SRRM3: variants seen among roughly 807,000 people sequenced by gnomAD.
SRRM3 encodes the protein serine/arginine repetitive matrix protein 3.
In SRRM3, 27 loss-of-function variants were observed where a neutral mutation model predicts 66.2. The ratio of observed to expected loss-of-function variants is 0.41; its 90% CI spans 0.30 to 0.56. The LOEUF (loss-of-function observed/expected upper bound fraction) is 0.56. SRRM3 is among the 20% of genes least tolerant of loss of function. The probability of loss-of-function intolerance (pLI) is 0.32; values close to 1 mark genes in which losing one functional copy is unlikely to be tolerated. For synonymous variants in SRRM3, 391 were observed against 414.9 expected (o/e 0.94, Z 0.70); for missense variants, 918 against 991.9 (o/e 0.93, Z 1.00).
intron 11 of SRRM3, chr7:76,268,585 T>G (rs1802131531): frequency 1.3e-5 from 2 of 152,220 alleles, no homozygotes; most frequent in African/African-American, 4.8e-5. Flanking sequence ...CTCCCTTTCT[T>G]TTCTCAAACA....
chr7:76,261,023 C>A, intron 6 of SRRM3, 120 bp downstream of exon 6: 1 of 1,085,784 alleles, frequency 9.2e-7, no homozygotes, highest in South Asian at 1.6e-5. Context: ...CTGGACACTG[C>A]CAAGGTGCAA....
intron 12 of SRRM3, 118 bp downstream of exon 12, chr7:76,281,920 C>A: frequency 1.3e-6 from 1 of 794,592 alleles, no homozygotes; most frequent in Non-Finnish European, 1.6e-6. Flanking sequence ...CCAGGGATCC[C>A]AACCCCCTCC....
In SRRM3 at chr7:76,235,043, C is replaced by A; in HGVS notation, c.-24C>A. The A allele has an allele frequency of 6.5e-7, 1 of 1,538,434 alleles. No homozygotes were observed. On this transcript the variant is annotated 5_prime_UTR_variant, in exon 2 of 15. Coordinates refer to ENST00000611745, the MANE Select transcript of SRRM3 (RefSeq NM_001110199.3). ...TGTCCCTCAGGGCCAGCGGCCCAGG[C>A]CAGCGGCTCCAGGGCCAGCCACGAT...
At chr7:76,281,407 C>G (rs936587560) in intron 11 of SRRM3, 34 bp from the exon 12 acceptor site, 130 of 1,215,030 alleles carry the variant, frequency 1.1e-4, no homozygotes, top group East Asian at 2.0e-4. Context: ...TCCCTCTCCC[C>G]CCTCCGTGCC....
intron 1 of SRRM3, among the ~76,000 whole-genome samples, chr7:76,232,885 G>A (rs1364173165): frequency 6.6e-6 from 1 of 152,140 alleles, no homozygotes; most frequent in African/African-American, 2.4e-5. Flanking sequence ...AATGGAGGAT[G>A]AAGGTCTGGG....
Position 76,264,786 on chromosome 7 carries a change from A to G in SRRM3, c.696A>G (p.Lys232=). ...GCAGATCTCGAAGCTCCAAGTGCAA[A>G]AGAAAAGAGAAGAACAAAGAGAAGA... ...RRHRSRSSKC[K]RKEKNKEKKR... The change falls in exon 9 of 15, where the codon AAA becomes AAG. Residue 232 remains lysine, a synonymous_variant. Coordinates refer to ENST00000611745, the MANE Select transcript of SRRM3 (RefSeq NM_001110199.3). 2 of 1,613,696 alleles carry G rather than the reference A, an allele frequency of 1.2e-6. No individual in the cohort carries two copies. The highest frequency in any genetic ancestry group is 1.7e-6 in the Non-Finnish European group (2 of 1,179,858).
chr7:76,266,115 G>A lies in SRRM3; in HGVS notation c.830+647G>A, dbSNP rs1211501895. ...GATCTCCTGACCTCGTGATCCGCCC[G>A]CCTCGGCCTCCCAAAGTGCTGGGAT... On this transcript the variant is annotated intron_variant, in intron 10 of 14. Coordinates refer to ENST00000611745, the MANE Select transcript of SRRM3 (RefSeq NM_001110199.3). Among the ~76,000 whole-genome samples the A allele has an allele frequency of 4.1e-5, 3 of 73,750 alleles. 1 individual carries two copies. Among genetic ancestry groups the A allele is most frequent in the Non-Finnish European group, 6.3e-5 (3 of 47,654 alleles). 48.4% of individuals were successfully genotyped at this position (73,750 alleles called of 152,430 possible). A position where few individuals can be genotyped will look rare whatever the true frequency, so the allele number is the denominator to read the frequency against.
Position 76,277,729 on chromosome 7 carries a change from AAAAAAAG to A in SRRM3, c.1009-3710_1009-3704del, listed in dbSNP as rs1436513101. Reference sequence around the variant, plus strand: ...AATAAACAACAACAAAAAAAAAAAAAAAAAAAGAGAGAGAGAGAAAGAAAGAAAAGAA... The same window carrying A: ...AATAAACAACAACAAAAAAAAAAAAAAGAGAGAGAGAAAGAAAGAAAAGAA... On this transcript the variant is annotated intron_variant, in intron 11 of 14. Transcript: ENST00000611745. 8.9e-4 allele frequency among the ~76,000 whole-genome samples: 133 copies of A among 149,116 alleles called. 1 individual carries two copies. Among genetic ancestry groups the A allele is most frequent in the Non-Finnish European group, 1.5e-3 (99 of 67,254 alleles).
chr7:76,228,679 G>A (rs552761661), intron 1 of SRRM3, among the ~76,000 whole-genome samples: 4 of 152,086 alleles, frequency 2.6e-5, no homozygotes, highest in African/African-American at 9.6e-5. Context: ...AGCTGAGATC[G>A]CACCATTGCA....
chr7:76,247,545 T>A (rs1422068757), intron 2 of SRRM3, among the ~76,000 whole-genome samples: 2 of 152,094 alleles, frequency 1.3e-5, no homozygotes, highest in Non-Finnish European at 2.9e-5. Context: ...GAGGGAGGCC[T>A]GCCCTGGTGG....
chr7:76,205,171 TG>T (rs1554601004), intron 1 of SRRM3, among the ~76,000 whole-genome samples: 1 of 152,150 alleles, frequency 6.6e-6, no homozygotes, highest in Non-Finnish European at 1.5e-5. Flanking sequence ...CCAGCGCCTC[TG>T]CAGGGCTTGC....
intron 3 of SRRM3, among the ~76,000 whole-genome samples, chr7:76,248,553 G>A (rs976073031): frequency 5.3e-5 from 8 of 152,170 alleles, no homozygotes; most frequent in Non-Finnish European, 8.8e-5. Context: ...GGAGGCATGG[G>A]GAAGGCAGCC....
intron 11 of SRRM3, among the ~76,000 whole-genome samples, 179 bp from the exon 12 acceptor site, chr7:76,281,258 CTCTG>C (rs1271866457): frequency 2.0e-5 from 3 of 151,224 alleles, no homozygotes; most frequent in African/African-American, 4.9e-5. Flanking sequence ...TTTTCTGTCT[CTCTG>C]TCTCTCTCTC....
At chr7:76,251,631 C>T (rs1388411106) in intron 3 of SRRM3, among the ~76,000 whole-genome samples, 5 of 152,114 alleles carry the variant, frequency 3.3e-5, no homozygotes, top group Admixed American at 1.3e-4. Flanking sequence ...GCCTTGGCCT[C>T]CCAAAGTGCT....
intron 2 of SRRM3, among the ~76,000 whole-genome samples, chr7:76,236,263 C>T (rs1237070653): frequency 6.8e-6 from 1 of 147,300 alleles, no homozygotes; most frequent in African/African-American, 2.5e-5. Flanking sequence ...GAGCTGAGAT[C>T]GAGACATTGC....
chr7:76,285,619 C>T lies in SRRM3; in HGVS notation c.1738C>T (p.Arg580Cys). ...FMEPRRITSARKRPIPYYRPS... is the reference protein window; with the variant it reads ...FMEPRRITSACKRPIPYYRPS... ...TCAGCTTTTTCTTCCCGGCAGCGCCCGCAAGCGTCCTATTCCATACTACCG... is the reference window on the plus strand; with the variant it reads ...TCAGCTTTTTCTTCCCGGCAGCGCCTGCAAGCGTCCTATTCCATACTACCG... The change falls in exon 15 of 15, where the codon CGC (arginine) becomes TGC (cysteine). Residue 580 changes from arginine to cysteine, a missense_variant. Transcript: ENST00000611745. This position sits in a 1 kb window ranked among gnomAD's most constrained non-coding sequence, Gnocchi z 4.1. The T allele has an allele frequency of 6.5e-7, 1 of 1,548,756 alleles. No homozygotes were observed. Among genetic ancestry groups the T allele is most frequent in the Non-Finnish European group, 8.7e-7 (1 of 1,145,702 alleles).
At chr7:76,216,106 C>T (rs1310173011) in intron 1 of SRRM3, among the ~76,000 whole-genome samples, 1 of 151,834 alleles carries the variant, frequency 6.6e-6, no homozygotes, top group Non-Finnish European at 1.5e-5. Flanking sequence ...CGCGCCCGGC[C>T]CACATCTGGC....
chr7:76,253,904 G>C (rs889439907), intron 3 of SRRM3, among the ~76,000 whole-genome samples: 32 of 151,880 alleles, frequency 2.1e-4, no homozygotes, highest in Admixed American at 2.0e-3. Context: ...CACAAAGCCA[G>C]TAAAGGAAGC....
intron 3 of SRRM3, among the ~76,000 whole-genome samples, chr7:76,252,746 T>C (rs968383540): frequency 3.9e-5 from 6 of 152,222 alleles, no homozygotes; most frequent in Non-Finnish European, 7.3e-5. Flanking sequence ...CTTGACATCA[T>C]AGGGAATGTT....
Sources: gnomAD v4.1 joint callset for allele counts (sites outside exome capture counted in the v4.1 genomes callset) on GRCh38, gnomAD v4.1.1 for gene constraint, Gnocchi (gnomAD v3.1) non-coding constraint, MANE v1.5 for transcripts, NCBI Gene and HGNC (gene_info 2026-07-23, HGNC 2026-07-21) for gene names.